NSD1: variants seen among roughly 807,000 people sequenced by gnomAD.
NSD1 encodes the protein nuclear receptor binding SET domain protein 1.
A neutral mutation model predicts 242.7 loss-of-function variants in NSD1; 26 were observed. That is an observed-to-expected ratio of 0.11 (90% CI 0.08 to 0.15). NSD1 has a LOEUF of 0.15. Ranked by LOEUF, NSD1 falls within the 10% of genes least tolerant of loss-of-function variation. The pLI, the probability that NSD1 is intolerant of heterozygous loss-of-function variation, is 1.00. For synonymous variants in NSD1, 1,106 were observed against 1,178.1 expected (o/e 0.94, Z 1.25); for missense variants, 2,495 against 3,272.8 (o/e 0.76, Z 5.80).
intron 2 of NSD1, among the ~76,000 whole-genome samples, chr5:177,171,609 T>G (rs891835029): frequency 6.6e-6 from 1 of 152,236 alleles, no homozygotes; most frequent in Non-Finnish European, 1.5e-5. Context: ...AACTCTGTAC[T>G]TATTGAATGA....
chr5:177,238,314 T>C lies in NSD1; in HGVS notation c.3999T>C (p.Asn1333=). The change falls in exon 7 of 23, where the codon AAT becomes AAC. Residue 1333 remains asparagine, a synonymous_variant. Transcript: ENST00000439151. The surrounding 1 kb of genome is among the most constrained non-coding windows in gnomAD (Gnocchi z 4.6). ...CTCAGAACAAGCAGGTGGACGAGAA[T>C]TCTTTGATTTCAACCAAAGAAGAGC... ...SSAQNKQVDE[N]SLISTKEEPP... 6.2e-7 allele frequency: 1 copy of C among 1,614,132 alleles called. No homozygotes were observed. The highest frequency in any genetic ancestry group is 1.3e-5 in the African/African-American group (1 of 75,032).
At chr5:177,160,797 G>A (rs1204251012) in intron 2 of NSD1, among the ~76,000 whole-genome samples, 2 of 151,842 alleles carry the variant, frequency 1.3e-5, no homozygotes, top group East Asian at 3.9e-4. Context: ...CCTGAGGCAG[G>A]GCAACATGTG....
At chr5:177,178,488 A>C (rs1034627609) in intron 2 of NSD1, among the ~76,000 whole-genome samples, 4 of 152,198 alleles carry the variant, frequency 2.6e-5, no homozygotes, top group African/African-American at 9.6e-5. Flanking sequence ...GGCCTGCCAA[A>C]GTGTTGGGAT....
At chr5:177,229,437 G>A (rs956302845) in intron 5 of NSD1, among the ~76,000 whole-genome samples, 2 of 152,182 alleles carry the variant, frequency 1.3e-5, no homozygotes, top group Non-Finnish European at 2.9e-5. Context: ...TACATATCCT[G>A]TATTAAGGTT....
At chr5:177,132,168 C>T (rs1755927528), upstream of NSD1, among the ~76,000 whole-genome samples, 2 of 152,074 alleles carry the variant, frequency 1.3e-5, no homozygotes, top group South Asian at 4.1e-4. The surrounding 1 kb of genome is among the most constrained non-coding windows in gnomAD (Gnocchi z 7.5). Context: ...CTTGTCCCGG[C>T]CAGCCGGGCG....
intron 21 of NSD1, among the ~76,000 whole-genome samples, chr5:177,290,400 G>C (rs981588510): frequency 2.0e-5 from 3 of 148,238 alleles, no homozygotes; most frequent in Middle Eastern, 3.4e-3. Flanking sequence ...TAAGAAAAGA[G>C]TAAATAAATT....
intron 2 of NSD1, among the ~76,000 whole-genome samples, chr5:177,174,118 G>A (rs1380375437): frequency 6.6e-6 from 1 of 151,560 alleles, no homozygotes; most frequent in Admixed American, 6.6e-5. Context: ...TGTAATCCCA[G>A]CACTTTGGGA....
intron 5 of NSD1, among the ~76,000 whole-genome samples, chr5:177,226,205 C>T (rs1001245622): frequency 1.3e-5 from 2 of 152,054 alleles, no homozygotes; most frequent in African/African-American, 2.4e-5. Flanking sequence ...TGCCACCACA[C>T]CCGGTTAATT....
chr5:177,259,996 G>A lies in NSD1; in HGVS notation c.4974G>A (p.Leu1658=). The change falls in exon 14 of 23, where the codon TTG becomes TTA. Residue 1658 remains leucine, a synonymous_variant. Transcript: ENST00000439151. ...PANVSASKGR[L]MRCVRCPVAY... The stretch of plus-strand genomic sequence containing the variant: ...CTGATTTTCCTGCTTTAGGTCGGTT[G>A]ATGCGCTGTGTCCGCTGTCCTGTGG... The A allele has an allele frequency of 6.2e-7, 1 of 1,614,086 alleles. No homozygotes were observed. The highest frequency in any genetic ancestry group is 8.5e-7 in the Non-Finnish European group (1 of 1,180,020).
At chr5:177,236,339 A>G (rs1765433446) in intron 6 of NSD1, among the ~76,000 whole-genome samples, 1 of 152,162 alleles carries the variant, frequency 6.6e-6, no homozygotes, top group Non-Finnish European at 1.5e-5. Flanking sequence ...TTGACATTCT[A>G]CCCCTACATA....
chr5:177,268,631 C>G (rs1439939606), intron 15 of NSD1, among the ~76,000 whole-genome samples: 2 of 152,116 alleles, frequency 1.3e-5, no homozygotes, highest in African/African-American at 4.8e-5. Flanking sequence ...ATTCCATGCC[C>G]TGATTCCATT....
intron 5 of NSD1, among the ~76,000 whole-genome samples, chr5:177,227,762 T>TA (rs1223249622): frequency 6.6e-6 from 1 of 152,000 alleles, no homozygotes; most frequent in East Asian, 1.9e-4. Context: ...TTTAAATTTT[T>TA]AAAATAACCT....
Position 177,238,079 on chromosome 5 carries a change from T to A in NSD1, c.3922-158T>A, listed in dbSNP as rs186486714. 7.3e-6 allele frequency among the ~76,000 whole-genome samples: 1 copy of A among 137,912 alleles called. No individual in the cohort carries two copies. Among genetic ancestry groups the A allele is most frequent in the Non-Finnish European group, 1.6e-5 (1 of 61,226 alleles). 90.5% of individuals were successfully genotyped at this position (137,912 alleles called of 152,430 possible). A position where few individuals can be genotyped will look rare whatever the true frequency, so the allele number is the denominator to read the frequency against. On this transcript the variant is annotated intron_variant, in intron 6 of 22. Coordinates refer to ENST00000439151, the MANE Select transcript of NSD1 (RefSeq NM_022455.5). The surrounding 1 kb of genome is among the most constrained non-coding windows in gnomAD (Gnocchi z 4.6). Reference sequence around the variant, plus strand: ...TCATACGATATTTGTTCTTTGTGTCTTAAGTAATTTCCCTTAGCATACATA... The same window carrying A: ...TCATACGATATTTGTTCTTTGTGTCATAAGTAATTTCCCTTAGCATACATA...
At position 177,210,345 on chromosome 5, in the gene NSD1, T is replaced by C. The variant is rs762276819; in HGVS notation, c.1946T>C (p.Leu649Pro). ...ACTTCTGATGATGGAAGCAGTGACC[T>C]GGATCCCATAGAACACAGCTCAGAG... is the stretch of plus-strand genomic sequence containing the variant. ...CTTSDDGSSDLDPIEHSSESD... is the reference protein window; with the variant it reads ...CTTSDDGSSDPDPIEHSSESD... The change falls in exon 5 of 23, where the codon CTG (leucine) becomes CCG (proline). Residue 649 changes from leucine to proline, a missense_variant. This residue lies in a region of NSD1 where 515 missense variants were observed against 467.0 expected (regional missense o/e 1.10). Transcript: ENST00000439151. 1.2e-6 allele frequency: 2 copies of C among 1,614,160 alleles called. No individual in the cohort carries two copies. The highest frequency in any genetic ancestry group is 1.7e-6 in the Non-Finnish European group (2 of 1,180,028).
chr5:177,224,467 T>A (rs547737306), intron 5 of NSD1, among the ~76,000 whole-genome samples: 2 of 151,882 alleles, frequency 1.3e-5, no homozygotes, highest in South Asian at 4.1e-4. Context: ...AATTATCTCA[T>A]GTTTATGAAA....
At chr5:177,224,405 TTA>T (rs1465873766) in intron 5 of NSD1, among the ~76,000 whole-genome samples, 20 of 152,272 alleles carry the variant, frequency 1.3e-4, no homozygotes, top group Admixed American at 1.0e-3. Flanking sequence ...CCTAAGTATT[TTA>T]GTCTTTCTTT....
At chr5:177,158,168 G>A (rs1330960116) in intron 2 of NSD1, among the ~76,000 whole-genome samples, 1 of 152,076 alleles carries the variant, frequency 6.6e-6, no homozygotes, top group East Asian at 1.9e-4. Context: ...GCATTTTGAG[G>A]AACAGCCAGA....
chr5:177,267,068 G>T (rs1757550204), intron 14 of NSD1, among the ~76,000 whole-genome samples: 1 of 152,138 alleles, frequency 6.6e-6, no homozygotes, highest in African/African-American at 2.4e-5. Context: ...CTGTTGGCCG[G>T]GCTGTTCTCT....
intron 5 of NSD1, among the ~76,000 whole-genome samples, chr5:177,222,366 A>G (rs1581364761): frequency 6.6e-6 from 1 of 152,248 alleles, no homozygotes; most frequent in East Asian, 1.9e-4. Flanking sequence ...TTATATCCCT[A>G]GGAGTAGAAT....
Sources: gnomAD v4.1 joint callset for allele counts (sites outside exome capture counted in the v4.1 genomes callset) on GRCh38, gnomAD v4.1.1 for gene constraint, gnomAD v4.1.1 regional missense constraint, Gnocchi (gnomAD v3.1) non-coding constraint, MANE v1.5 for transcripts, NCBI Gene and HGNC (gene_info 2026-07-23, HGNC 2026-07-21) for gene names.